The following LCORL variants were observed in gnomAD, a reference collection of about 807,000 sequenced individuals.
LCORL encodes the protein ligand-dependent nuclear receptor corepressor-like protein.
Under a neutral mutation model 141.8 loss-of-function variants are expected in LCORL, and 41 were observed. That is an observed-to-expected ratio of 0.29 (90% CI 0.23 to 0.38). The LOEUF (loss-of-function observed/expected upper bound fraction) is 0.38, where lower values mean the gene tolerates loss of function less well. Among genes scored for constraint, LCORL ranks in the 10% least tolerant of loss-of-function variants. The pLI, the probability that LCORL is intolerant of heterozygous loss-of-function variation, is 1.00. For missense variants in LCORL, 1,759 were observed against 2,035.0 expected (o/e 0.86, Z 2.61); for synonymous variants, 618 against 694.1 (o/e 0.89, Z 1.72).
At chr4:17,964,537 C>T (rs532935322) in intron 2 of LCORL, among the ~76,000 whole-genome samples, 1 of 152,136 alleles carries the variant, frequency 6.6e-6, no homozygotes, top group East Asian at 1.9e-4. Context: ...AAACTGGTCA[C>T]CTTCTGTAAA....
At chr4:17,924,597 G>T (rs1334805760) in intron 4 of LCORL, among the ~76,000 whole-genome samples, 4 of 152,208 alleles carry the variant, frequency 2.6e-5, no homozygotes, top group Admixed American at 1.3e-4. Flanking sequence ...ATACAGGTCT[G>T]CCTATCCTGC....
chr4:17,909,898 GAAAGAATAGT>G (rs1447134321), intron 4 of LCORL, among the ~76,000 whole-genome samples: 1 of 151,966 alleles, frequency 6.6e-6, no homozygotes, highest in Non-Finnish European at 1.5e-5. Context: ...AATAAAAAAT[GAAAGAATAGT>G]ACAATGACAT....
chr4:17,986,077 G>C (rs575726855), intron 1 of LCORL, among the ~76,000 whole-genome samples: 3 of 152,292 alleles, frequency 2.0e-5, no homozygotes, highest in Admixed American at 2.0e-4. Context: ...TAAGAATGTT[G>C]AGTATAAGCT....
intron 4 of LCORL, among the ~76,000 whole-genome samples, chr4:17,952,699 G>A (rs1711656736): frequency 6.6e-6 from 1 of 152,184 alleles, no homozygotes; most frequent in African/African-American, 2.4e-5. Context: ...ACAGGCGTGA[G>A]CCACCGCCCC....
At chr4:17,921,525 G>A (rs1577425658) in intron 4 of LCORL, among the ~76,000 whole-genome samples, 1 of 152,118 alleles carries the variant, frequency 6.6e-6, no homozygotes, top group African/African-American at 2.4e-5. Flanking sequence ...TGTTTTCAGG[G>A]CATGAAAACA....
At chr4:17,887,678 T>G (rs1728479424) in intron 5 of LCORL, among the ~76,000 whole-genome samples, 1 of 152,150 alleles carries the variant, frequency 6.6e-6, no homozygotes, top group Non-Finnish European at 1.5e-5. Context: ...AACTTCGCAT[T>G]TCATTCTGAC....
intron 4 of LCORL, among the ~76,000 whole-genome samples, chr4:17,948,206 G>A (rs746493572): frequency 2.0e-5 from 3 of 152,098 alleles, no homozygotes; most frequent in East Asian, 3.9e-4. Context: ...GGATTGAGGG[G>A]ACCTGGTAGA....
chr4:17,884,343 C>T lies in LCORL; in HGVS notation c.776+1725G>A. 6 of 1,545,852 alleles carry T rather than the reference C, an allele frequency of 3.9e-6. No individual in the cohort carries two copies. The highest frequency in any genetic ancestry group is 5.2e-6 in the Non-Finnish European group (6 of 1,145,160). ...TCATATTGGAGGCTTTCATTTTTTTCTTTAAACTGAGTGACCATTTTCTGT... is the reference window on the plus strand; with the variant it reads ...TCATATTGGAGGCTTTCATTTTTTTTTTTAAACTGAGTGACCATTTTCTGT... On this transcript the variant is annotated intron_variant, in intron 6 of 7. Coordinates refer to ENST00000635767, the Ensembl canonical transcript of LCORL. The surrounding 1 kb of genome is among the most constrained non-coding windows in gnomAD (Gnocchi z 4.4).
At chr4:17,922,522 A>G (rs938832468) in intron 4 of LCORL, among the ~76,000 whole-genome samples, 8 of 152,196 alleles carry the variant, frequency 5.3e-5, no homozygotes, top group African/African-American at 1.7e-4. Flanking sequence ...AAAGAAAACT[A>G]TGAACTCAGG....
At chr4:17,876,751 T>C in exon 7 of LCORL, 1 of 1,230,868 alleles carries the variant, frequency 8.1e-7, no homozygotes, top group Non-Finnish European at 1.0e-6. Flanking sequence ...TTCCTATCAT[T>C]TTGCAAAAAT....
intron 7 of LCORL, among the ~76,000 whole-genome samples, chr4:17,863,235 G>A (rs568723316): frequency 6.6e-6 from 1 of 152,186 alleles, no homozygotes; most frequent in Non-Finnish European, 1.5e-5. Flanking sequence ...AGAATCACTT[G>A]AACATGGGAG....
At chr4:17,935,935 A>G (rs1310630987) in intron 4 of LCORL, among the ~76,000 whole-genome samples, 1 of 152,234 alleles carries the variant, frequency 6.6e-6, no homozygotes, top group Non-Finnish European at 1.5e-5. Flanking sequence ...CTCTGAAAGT[A>G]TATTACACAT....
At chr4:17,898,795 C>T (rs1387768510) in intron 5 of LCORL, among the ~76,000 whole-genome samples, 1 of 151,940 alleles carries the variant, frequency 6.6e-6, no homozygotes, top group Non-Finnish European at 1.5e-5. Context: ...ACCCTGAATG[C>T]ATATCATTCC....
intron 4 of LCORL, among the ~76,000 whole-genome samples, chr4:17,932,038 G>A (rs1197553180): frequency 6.6e-6 from 1 of 152,084 alleles, no homozygotes; most frequent in African/African-American, 2.4e-5. Context: ...CTATGAAGTA[G>A]CCCTTTCCGC....
chr4:17,957,911 T>C (rs972232600), intron 4 of LCORL, among the ~76,000 whole-genome samples: 1 of 151,950 alleles, frequency 6.6e-6, no homozygotes, highest in Non-Finnish European at 1.5e-5. Flanking sequence ...ATGAATCATG[T>C]TAAATTTACA....
intron 4 of LCORL, among the ~76,000 whole-genome samples, chr4:17,922,362 G>C (rs1734435777): frequency 6.6e-6 from 1 of 152,092 alleles, no homozygotes; most frequent in South Asian, 2.1e-4. Context: ...TAAAGAGTTA[G>C]GTAAAATAAA....
At chr4:18,015,599 A>G (rs1357276531) in intron 1 of LCORL, among the ~76,000 whole-genome samples, 1 of 151,878 alleles carries the variant, frequency 6.6e-6, no homozygotes, top group East Asian at 1.9e-4. Flanking sequence ...AACATTTGAT[A>G]GTGCTTGAAA....
rs1367668648 is a variant in LCORL, at chr4:17,897,796, C to A, written c.682+11298G>T. On this transcript the variant is annotated intron_variant, in intron 5 of 7. Coordinates refer to ENST00000635767, the Ensembl canonical transcript of LCORL. ...ATTCGTCTTTGGGCTTCCTTGCCTG[C>A]TAGCACAAGATGTTCCAGGCTCATC... Among the ~76,000 whole-genome samples the A allele has an allele frequency of 2.0e-5, 3 of 152,280 alleles. No homozygotes were observed. The East Asian group carries it at 5.8e-4, about 29-fold the overall frequency.
intron 4 of LCORL, among the ~76,000 whole-genome samples, chr4:17,950,004 A>G (rs1004173608): frequency 6.6e-6 from 1 of 152,120 alleles, no homozygotes; most frequent in African/African-American, 2.4e-5. Context: ...TTTATGGGGG[A>G]AAAATGCCAC....
Sources: gnomAD v4.1 joint callset for allele counts (sites outside exome capture counted in the v4.1 genomes callset) on GRCh38, gnomAD v4.1.1 for gene constraint, Gnocchi (gnomAD v3.1) non-coding constraint, MANE v1.5 for transcripts, NCBI Gene and HGNC (gene_info 2026-07-23, HGNC 2026-07-21) for gene names.